ESR2: variants seen among roughly 807,000 people sequenced by gnomAD.
ESR2 encodes the protein estrogen receptor 2, also known as estrogen receptor beta.
Under a neutral mutation model 49.6 loss-of-function variants are expected in ESR2, and 36 were observed. The ratio of observed to expected loss-of-function variants is 0.73; its 90% CI spans 0.56 to 0.96. The LOEUF (loss-of-function observed/expected upper bound fraction) is 0.96. ESR2 is among the 40% of genes least tolerant of loss of function. The pLI is 0.00. For missense variants in ESR2, 714 were observed against 693.0 expected (o/e 1.03, Z -0.34); for synonymous variants, 320 against 266.1 (o/e 1.20, Z -1.97).
rs143147598 is a variant in ESR2 at position 64,284,207 on chromosome 14, G to A, written c.-90-1132C>T. Among the ~76,000 whole-genome samples the A allele has an allele frequency of 1.7e-3, 251 of 152,052 alleles. 1 individual carries two copies. The highest frequency in any genetic ancestry group is 3.8e-3 in the South Asian group (18 of 4,790). On this transcript the variant is annotated intron_variant, in intron 1 of 8. Transcript: ENST00000341099. ...GTCTCCCAAAGTGCTGGGATTACAG[G>A]CATAAGTCACCATGCCTGGCCTACG...
intron 1 of ESR2, among the ~76,000 whole-genome samples, chr14:64,318,053 G>A (rs1463739419): frequency 6.6e-6 from 1 of 152,054 alleles, no homozygotes; most frequent in Non-Finnish European, 1.5e-5. Flanking sequence ...AGGAAGAAAT[G>A]AAACTGTTTT....
At chr14:64,289,911 C>T (rs1285996236) in intron 1 of ESR2, among the ~76,000 whole-genome samples, 2 of 152,202 alleles carry the variant, frequency 1.3e-5, no homozygotes, top group Non-Finnish European at 2.9e-5. Context: ...CACACTTTCC[C>T]AAGCATTCAG....
intron 1 of ESR2, among the ~76,000 whole-genome samples, chr14:64,314,692 A>G (rs138228859): frequency 0.048 from 7,272 of 151,040 alleles, 263 homozygotes; most frequent in Non-Finnish European, 0.075. Flanking sequence ...AGCCTGGCCA[A>G]CATGGCGAAA....
At chr14:64,279,894 T>C (rs747078042) in intron 3 of ESR2, 87 bp downstream of exon 3, 21 of 1,054,568 alleles carry the variant, frequency 2.0e-5, no homozygotes, top group Non-Finnish European at 2.9e-5. Flanking sequence ...AACAGGCCAG[T>C]AGTGACATTT....
chr14:64,289,399 C>G (rs999019164), intron 1 of ESR2, among the ~76,000 whole-genome samples: 5 of 152,080 alleles, frequency 3.3e-5, no homozygotes, highest in African/African-American at 1.2e-4. Flanking sequence ...GTAATCCCAG[C>G]TACTCGGGAG....
At chr14:64,235,811 C>T (rs1295803255) in intron 7 of ESR2, among the ~76,000 whole-genome samples, 5 of 152,172 alleles carry the variant, frequency 3.3e-5, no homozygotes, top group Non-Finnish European at 5.9e-5. Flanking sequence ...CCCACAGCCA[C>T]GTCCTGGGTA....
At position 64,234,993 on chromosome 14, in the gene ESR2, G is replaced by C. The variant is rs780531016; in HGVS notation, c.1383C>G (p.Leu461=). ...ACCTCGCATGCCTGACGTGGGACAG[G>C]AGCATCAGGAGGTTAGCCAGGCGCA... is the stretch of plus-strand genomic sequence containing the variant. The part of the protein sequence containing the change: ...QSMRLANLLM[L]LSHVRHASNK... The change falls in exon 8 of 9, where the codon CTC becomes CTG. Residue 461 remains leucine (L), a synonymous_variant. Transcript: ENST00000341099. 76 of 1,614,078 alleles carry C rather than the reference G, an allele frequency of 4.7e-5. No individual in the cohort carries two copies. The Admixed American group carries it at 5.2e-4, about 11-fold the overall frequency.
At chr14:64,279,862 T>C (rs2076628474) in intron 3 of ESR2, 119 bp downstream of exon 3, 5 of 815,222 alleles carry the variant, frequency 6.1e-6, no homozygotes, top group Non-Finnish European at 1.0e-5. Context: ...TCTGAACTGC[T>C]CATCAAATAC....
At chr14:64,267,139 A>C (rs912291108) in intron 4 of ESR2, among the ~76,000 whole-genome samples, 1 of 152,248 alleles carries the variant, frequency 6.6e-6, no homozygotes, top group African/African-American at 2.4e-5. Context: ...TTGGCCTCCC[A>C]AAGTGCTGGG....
Position 64,260,558 on chromosome 14 carries a change from C to G in ESR2, c.843G>C (p.Leu281=). The change falls in exon 5 of 9, where the codon CTG becomes CTC. Residue 281 remains leucine (L), a synonymous_variant. Transcript: ENST00000341099. ...TGAAGGGCGCACTGGGGCGGCTGATCAGCACATGGGGCGGCTCAGCCTCCA... is the reference window on the plus strand; with the variant it reads ...TGAAGGGCGCACTGGGGCGGCTGATGAGCACATGGGGCGGCTCAGCCTCCA... ...TLLEAEPPHV[L]ISRPSAPFTE... 5 of 1,587,198 alleles carry G rather than the reference C, an allele frequency of 3.2e-6. No homozygotes were observed. The highest frequency in any genetic ancestry group is 4.3e-6 in the Non-Finnish European group (5 of 1,166,256).
At chr14:64,335,394 A>C (rs937861370) in intron 1 of ESR2, among the ~76,000 whole-genome samples, 3 of 152,296 alleles carry the variant, frequency 2.0e-5, no homozygotes, top group South Asian at 2.1e-4. Flanking sequence ...TTCATATCTC[A>C]TGGCTGTGGA....
At chr14:64,315,036 G>A (rs2140887137) in intron 1 of ESR2, among the ~76,000 whole-genome samples, 1 of 151,314 alleles carries the variant, frequency 6.6e-6, no homozygotes, top group Middle Eastern at 3.4e-3. Flanking sequence ...CTCAAGGTTA[G>A]GAGTTCAAGA....
Position 64,229,735 on chromosome 14 carries a change from A to G in ESR2, c.*3402T>C, listed in dbSNP as rs1284465258. On this transcript the variant is annotated 3_prime_UTR_variant, in exon 9 of 9. Coordinates refer to ENST00000341099, the MANE Select transcript of ESR2 (RefSeq NM_001437.3). ...GTTTGCTTAGACCGTGTCTAGTTCC[A>G]CAACCAGAAAATAAGGAAATAGCAG... 6.6e-6 allele frequency among the ~76,000 whole-genome samples: 1 copy of G among 152,212 alleles called. No individual in the cohort carries two copies. The highest frequency in any genetic ancestry group is 1.5e-5 in the Non-Finnish European group (1 of 68,042).
In ESR2 at chr14:64,283,044, T is replaced by A; in HGVS notation, c.-59A>T. 1 of 1,532,314 alleles carries A rather than the reference T, an allele frequency of 6.5e-7. No homozygotes were observed. The highest frequency in any genetic ancestry group is 8.8e-7 in the Non-Finnish European group (1 of 1,139,192). The allele number at this position is 1,532,314 out of a possible 1,614,324, so 94.9% of individuals were successfully genotyped here. Reference sequence around the variant, plus strand: ...AGAAGAGGCACAAAGGTCATTATAATGTTCTCAAAGATTCGTGGGCAAGTA... The same window carrying A: ...AGAAGAGGCACAAAGGTCATTATAAAGTTCTCAAAGATTCGTGGGCAAGTA... On this transcript the variant is annotated 5_prime_UTR_variant, in exon 2 of 9. Coordinates refer to ENST00000341099, the MANE Select transcript of ESR2 (RefSeq NM_001437.3).
At chr14:64,281,091 G>A (rs974737874) in intron 2 of ESR2, among the ~76,000 whole-genome samples, 1 of 152,122 alleles carries the variant, frequency 6.6e-6, no homozygotes, top group African/African-American at 2.4e-5. Flanking sequence ...ACAAGAAAAA[G>A]GGGGAAGAGA....
intron 4 of ESR2, among the ~76,000 whole-genome samples, chr14:64,266,557 CACAT>C (rs1341055756): frequency 2.6e-5 from 4 of 152,240 alleles, no homozygotes; most frequent in African/African-American, 9.6e-5. Flanking sequence ...TAAACACACA[CACAT>C]ACTCACTTTA....
intron 1 of ESR2, among the ~76,000 whole-genome samples, chr14:64,306,957 G>T (rs1310218202): frequency 6.6e-6 from 1 of 152,102 alleles, no homozygotes; most frequent in Non-Finnish European, 1.5e-5. Flanking sequence ...TTAAAAAATA[G>T]ATATAGGACT....
chr14:64,268,158 C>T (rs570201576), intron 4 of ESR2, among the ~76,000 whole-genome samples: 19 of 152,138 alleles, frequency 1.2e-4, no homozygotes, highest in African/African-American at 3.1e-4. Context: ...AAAATATATG[C>T]GAATGTATGT....
chr14:64,288,950 C>T (rs1315382432), intron 1 of ESR2, among the ~76,000 whole-genome samples: 2 of 146,012 alleles, frequency 1.4e-5, no homozygotes, highest in Non-Finnish European at 3.0e-5. Flanking sequence ...CACGCCACTG[C>T]ACTCCAACCT....
Sources: allele counts gnomAD v4.1 joint callset (sites outside exome capture counted in the v4.1 genomes callset), GRCh38; gene constraint gnomAD v4.1.1; transcripts MANE v1.5; gene names NCBI Gene and HGNC (gene_info 2026-07-23, HGNC 2026-07-21).